The following INTS8 variants were observed in gnomAD, a reference collection of about 807,000 sequenced individuals.
INTS8 encodes protein kaonashi-1.
Under a neutral mutation model 138.9 loss-of-function variants are expected in INTS8, and 47 were observed. That is an observed-to-expected ratio of 0.34 (90% CI 0.27 to 0.43). INTS8 has a LOEUF of 0.43. Among genes scored for constraint, INTS8 ranks in the 20% least tolerant of loss-of-function variants. The pLI is 1.00. For synonymous variants in INTS8, 392 were observed against 400.9 expected (o/e 0.98, Z 0.27); for missense variants, 996 against 1,173.0 (o/e 0.85, Z 2.20).
At chr8:94,880,023 A>T (rs1816740816) in intron 26 of INTS8, 95 bp from the exon 27 acceptor site, 6 of 793,898 alleles carry the variant, frequency 7.6e-6, no homozygotes, top group Admixed American at 2.4e-5. Flanking sequence ...ATTAAACTGT[A>T]TCGTTGTTAG....
chr8:94,836,346 C>G (rs1814926842), intron 6 of INTS8, among the ~76,000 whole-genome samples, 178 bp from the exon 7 acceptor site: 1 of 152,086 alleles, frequency 6.6e-6, no homozygotes, highest in Admixed American at 6.6e-5. Context: ...CTTAAGTTGA[C>G]CAGAGTTGGT....
Position 94,824,959 on chromosome 8 carries a change from A to G in INTS8, c.197A>G (p.Gln66Arg). ...EQASKPSVNE[Q>R]NQVQPPPDNK... ...GCTTCCAAACCTTCAGTTAATGAACAAAACCAAGTTCAACCTCCGCCTGAT... is the reference window on the plus strand; with the variant it reads ...GCTTCCAAACCTTCAGTTAATGAACGAAACCAAGTTCAACCTCCGCCTGAT... Residue 66 changes from glutamine (Q) to arginine (R), a missense_variant, in exon 2 of 27, where the codon CAA becomes CGA. Gln to Arg is a conservative substitution (Grantham distance 43, BLOSUM62 1). Coordinates refer to ENST00000523731, the MANE Select transcript of INTS8 (RefSeq NM_017864.4). 6.2e-7 allele frequency: 1 copy of G among 1,613,248 alleles called. No homozygotes were observed. Among genetic ancestry groups the G allele is most frequent in the Non-Finnish European group, 8.5e-7 (1 of 1,179,288 alleles).
chr8:94,881,542 A>G lies in INTS8; in HGVS notation c.*1308A>G. 1.5e-6 allele frequency: 2 copies of G among 1,328,298 alleles called. No homozygotes were observed. Among genetic ancestry groups the G allele is most frequent in the Non-Finnish European group, 1.0e-6 (1 of 954,260 alleles). 82.3% of individuals were successfully genotyped at this position (1,328,298 alleles called of 1,614,324 possible). A position where few individuals can be genotyped will look rare whatever the true frequency, so the allele number is the denominator to read the frequency against. ...TGAATTGGCTAGGGCAATCAATCAC[A>G]GCACTACTTTCTGTAAAACTTTAGT... On this transcript the variant is annotated 3_prime_UTR_variant, in exon 27 of 27. Coordinates refer to ENST00000523731, the MANE Select transcript of INTS8 (RefSeq NM_017864.4).
intron 5 of INTS8, among the ~76,000 whole-genome samples, chr8:94,831,394 G>A (rs530701848): frequency 2.5e-3 from 380 of 150,978 alleles, no homozygotes; most frequent in Non-Finnish European, 4.7e-3. Context: ...TTGGGATTAC[G>A]GGTGTGAGCC....
chr8:94,853,753 A>G (rs1815638820), intron 13 of INTS8, 52 bp from the exon 14 acceptor site: 1 of 931,612 alleles, frequency 1.1e-6, no homozygotes, highest in Non-Finnish European at 1.7e-6. Flanking sequence ...TCTTATCTAG[A>G]TTTGGCTTCC....
At position 94,823,362 on chromosome 8, in the gene INTS8, C is replaced by G; in HGVS notation, c.-70C>G. ...CCCACCGGGTTCCGCATACCCCAGG[C>G]ACCGGCCCGCATCCAAGTGTCAGGT... On this transcript the variant is annotated 5_prime_UTR_variant, in exon 1 of 27. Transcript: ENST00000523731. 2 of 1,503,260 alleles carry G rather than the reference C, an allele frequency of 1.3e-6. No individual in the cohort carries two copies. The highest frequency in any genetic ancestry group is 1.8e-6 in the Non-Finnish European group (2 of 1,129,672). The allele number at this position is 1,503,260 out of a possible 1,614,324, so 93.1% of individuals were successfully genotyped here. A position where few individuals can be genotyped will look rare whatever the true frequency, so the allele number is the denominator to read the frequency against.
intron 8 of INTS8, among the ~76,000 whole-genome samples, chr8:94,841,085 G>T (rs1456102551): frequency 6.6e-6 from 1 of 150,988 alleles, no homozygotes; most frequent in Admixed American, 6.6e-5. Context: ...GCTAATTTTT[G>T]TATTTTTAGT....
In INTS8 at chr8:94,881,564, T is replaced by C. The variant is rs914971545; in HGVS notation, c.*1330T>C. On this transcript the variant is annotated 3_prime_UTR_variant, in exon 27 of 27. Coordinates refer to ENST00000523731, the MANE Select transcript of INTS8 (RefSeq NM_017864.4). ...CACAGCACTACTTTCTGTAAAACTT[T>C]AGTAGTTCAGTGATACCAGTTCTAC... The C allele has an allele frequency of 4.8e-5, 72 of 1,501,918 alleles. 1 individual carries two copies. The highest frequency in any genetic ancestry group is 6.8e-5 in the East Asian group (3 of 43,918). The allele number at this position is 1,501,918 out of a possible 1,614,324, so 93.0% of individuals were successfully genotyped here.
intron 16 of INTS8, among the ~76,000 whole-genome samples, chr8:94,865,200 GT>G (rs113688681): frequency 2.0e-5 from 3 of 149,332 alleles, no homozygotes; most frequent in South Asian, 2.1e-4. Flanking sequence ...TTAGCAACTC[GT>G]TTTTTTTTCC....
At chr8:94,867,955 T>C (rs2131064257) in intron 20 of INTS8, 1 of 152,372 alleles carries the variant, frequency 6.6e-6, no homozygotes, top group African/African-American at 2.4e-5. Flanking sequence ...TCCAGCATCT[T>C]ATTTCTTTTA....
intron 14 of INTS8, among the ~76,000 whole-genome samples, 159 bp from the exon 15 acceptor site, chr8:94,856,615 TCAA>T (rs1432111506): frequency 2.0e-5 from 3 of 152,160 alleles, no homozygotes; most frequent in African/African-American, 2.4e-5. Flanking sequence ...TTGGAATAAA[TCAA>T]CAATACAGAG....
chr8:94,855,797 A>G (rs1474441848), intron 14 of INTS8, among the ~76,000 whole-genome samples: 1 of 152,254 alleles, frequency 6.6e-6, no homozygotes, highest in Non-Finnish European at 1.5e-5. Flanking sequence ...ATAGGGAGAA[A>G]GAATTGAGCA....
In INTS8 at chr8:94,880,993, C is replaced by A; in HGVS notation, c.*759C>A. 1 of 398,670 alleles carries A rather than the reference C, an allele frequency of 2.5e-6. No homozygotes were observed. The highest frequency in any genetic ancestry group is 1.3e-4 in the South Asian group (1 of 7,842). The allele number at this position is 398,670 out of a possible 1,614,324, so 24.7% of individuals were successfully genotyped here. On this transcript the variant is annotated 3_prime_UTR_variant, in exon 27 of 27. Coordinates refer to ENST00000523731, the MANE Select transcript of INTS8 (RefSeq NM_017864.4). Reference sequence around the variant, plus strand: ...TAGAGCACAGGTTGAACACCATGTTCATCTAAGCCTTATTAGTTAAAAAAT... The same window carrying A: ...TAGAGCACAGGTTGAACACCATGTTAATCTAAGCCTTATTAGTTAAAAAAT...
At chr8:94,859,416 T>G (rs1815871348) in intron 15 of INTS8, 95 bp from the exon 16 acceptor site, 1 of 1,289,952 alleles carries the variant, frequency 7.8e-7, no homozygotes, top group African/African-American at 1.5e-5. Context: ...ACCCGTCCTG[T>G]TTTTTTATTC....
intron 12 of INTS8, among the ~76,000 whole-genome samples, chr8:94,850,611 C>CAAA (rs11313192): frequency 3.2e-5 from 3 of 93,224 alleles, no homozygotes; most frequent in African/African-American, 8.2e-5. Flanking sequence ...GACTCCGACT[C>CAAA]AAAAAAAAAA....
chr8:94,835,779 T>C (rs956193377), intron 6 of INTS8, among the ~76,000 whole-genome samples: 1 of 152,152 alleles, frequency 6.6e-6, no homozygotes, highest in Non-Finnish European at 1.5e-5. Context: ...TTTGTATTTT[T>C]AGTAGAGATA....
chr8:94,872,034 G>T, intron 21 of INTS8, 32 bp downstream of exon 21: 3 of 1,029,760 alleles, frequency 2.9e-6, no homozygotes, highest in East Asian at 2.4e-5. Flanking sequence ...TTTGTGTTTT[G>T]TTTTTATAGC....
chr8:94,836,719 C>T (rs940864784), intron 7 of INTS8, 88 bp downstream of exon 7: 10 of 763,080 alleles, frequency 1.3e-5, no homozygotes, highest in East Asian at 8.1e-5. Context: ...ATGATAAAAA[C>T]GTGTTCATTA....
At chr8:94,852,681 C>T (rs1208240016) in intron 13 of INTS8, among the ~76,000 whole-genome samples, 9 of 151,918 alleles carry the variant, frequency 5.9e-5, no homozygotes, top group Non-Finnish European at 5.9e-5. Context: ...CTCCGCCTCC[C>T]GGGTTCAAGC....
Sources: gnomAD v4.1 joint callset for allele counts (sites outside exome capture counted in the v4.1 genomes callset) on GRCh38, gnomAD v4.1.1 for gene constraint, MANE v1.5 for transcripts, NCBI Gene and HGNC (gene_info 2026-07-23, HGNC 2026-07-21) for gene names.